The following DDX27 variants were observed in gnomAD, a reference collection of about 807,000 sequenced individuals.
DDX27 encodes probable ATP-dependent RNA helicase DDX27.
DDX27 carries 42 observed loss-of-function variants against 99.3 expected under a neutral mutation model. The observed-to-expected ratio is 0.42, with a 90% CI of 0.33 to 0.55. DDX27 has a LOEUF of 0.55. Among genes scored for constraint, DDX27 ranks in the 20% least tolerant of loss-of-function variants. The probability of loss-of-function intolerance (pLI) is 0.07; values close to 1 mark genes in which losing one functional copy is unlikely to be tolerated. For synonymous variants in DDX27, 329 were observed against 353.8 expected, an observed-to-expected ratio of 0.93 and a Z score of 0.79; for missense variants, 798 against 976.8, an observed-to-expected ratio of 0.82 and a Z score of 2.44.
At chr20:49,223,130 C>T in intron 3 of DDX27, 114 bp downstream of exon 3, 1 of 1,356,622 alleles carries the variant, frequency 7.4e-7, no homozygotes, top group South Asian at 1.3e-5. Context: ...GGCAGGCGCA[C>T]TCTTCTGTGT....
chr20:49,243,622 C>G lies in DDX27; in HGVS notation c.2205-7C>G. The stretch of plus-strand genomic sequence containing the variant: ...TGCTCATTTCAGCATGTCATCTTCT[C>G]TCACAGCCCTTCCTTTGAAGAAAGG... On this transcript the variant is annotated splice_region_variant and splice_polypyrimidine_tract_variant and intron_variant, in intron 19 of 20. Transcript: ENST00000618172. The G allele has an allele frequency of 4.3e-6, 7 of 1,614,090 alleles. No individual in the cohort carries two copies. The highest frequency in any genetic ancestry group is 5.9e-6 in the Non-Finnish European group (7 of 1,179,944).
chr20:49,243,844 C>T lies in DDX27; in HGVS notation c.*10C>T, dbSNP rs1406356256. On this transcript the variant is annotated 3_prime_UTR_variant, in exon 21 of 21. Transcript: ENST00000618172. The stretch of plus-strand genomic sequence containing the variant: ...CAAGAGGAGGAAGTAGCTGTCGTGG[C>T]CTGAAGAAATTCATGGGGGCAGCCC... 5.0e-6 allele frequency: 8 copies of T among 1,613,930 alleles called. No individual in the cohort carries two copies. Among genetic ancestry groups the T allele is most frequent in the East Asian group, 2.2e-5 (1 of 44,884 alleles).
chr20:49,235,424 G>T, intron 12 of DDX27: 1 of 218,518 alleles, frequency 4.6e-6, no homozygotes, highest in Non-Finnish European at 9.0e-6. Flanking sequence ...GGGTCTGATT[G>T]AACAAGATTT....
intron 10 of DDX27, 61 bp downstream of exon 10, chr20:49,233,466 G>A (rs1980195142): frequency 6.2e-7 from 1 of 1,603,140 alleles, no homozygotes; most frequent in African/African-American, 1.3e-5. Flanking sequence ...CCATGCAGAG[G>A]ACCCTGGCTG....
intron 4 of DDX27, 113 bp downstream of exon 4, chr20:49,223,546 G>A: frequency 3.0e-6 from 3 of 1,016,716 alleles, no homozygotes; most frequent in Non-Finnish European, 4.2e-6. Flanking sequence ...AAGCTGTTCT[G>A]CCTACTACAT....
intron 14 of DDX27, chr20:49,238,467 ATT>A (rs11313004): frequency 7.8e-3 from 1,123 of 144,262 alleles, no homozygotes; most frequent in Middle Eastern, 0.014. Context: ...ATGATGGCTA[ATT>A]TTTTTTTTTT....
At position 49,239,285 on chromosome 20, in the gene DDX27, A is replaced by G. The variant is rs918919439; in HGVS notation, c.1844A>G (p.Gln615Arg). Residue 615 changes from glutamine (Q) to arginine (R), a missense_variant, in exon 16 of 21, where the codon CAA becomes CGA. Around this residue, in one of 2 missense-constraint regions of DDX27, gnomAD observed 553 missense variants for 727.9 expected, o/e 0.76. Coordinates refer to ENST00000618172, the MANE Select transcript of DDX27 (RefSeq NM_017895.8). Reference protein sequence around the residue: ...LLEKGKEAVVQEPERSWFQTK... With the variant: ...LLEKGKEAVVREPERSWFQTK... The stretch of plus-strand genomic sequence containing the variant: ...GAGAAGGGGAAGGAGGCAGTGGTCC[A>G]AGAGCCCGAGAGGAGCTGGTTCCAG... The G allele has an allele frequency of 8.7e-6, 14 of 1,614,140 alleles. No homozygotes were observed. The highest frequency in any genetic ancestry group is 1.2e-5 in the Non-Finnish European group (14 of 1,180,014).
chr20:49,238,873 G>C (rs1176499149), intron 14 of DDX27, 76 bp from the exon 15 acceptor site: 1 of 1,049,598 alleles, frequency 9.5e-7, no homozygotes, highest in East Asian at 2.6e-5. Flanking sequence ...ATCTCCCAGA[G>C]TGCCGGGTTA....
chr20:49,225,263 G>T (rs1168852469), intron 6 of DDX27, 64 bp downstream of exon 6: 1 of 1,337,256 alleles, frequency 7.5e-7, no homozygotes, highest in East Asian at 2.3e-5. Context: ...GTCCAAGATG[G>T]TCTCAAATTC....
At chr20:49,241,775 T>C in intron 16 of DDX27, 118 bp from the exon 17 acceptor site, 1 of 1,153,268 alleles carries the variant, frequency 8.7e-7, no homozygotes, top group East Asian at 2.5e-5. Context: ...GGCCAAGAAG[T>C]GCTTGCCGCT....
chr20:49,241,968 A>G lies in DDX27; in HGVS notation c.1973A>G (p.Lys658Arg), dbSNP rs775344249. The G allele has an allele frequency of 1.1e-5, 17 of 1,613,334 alleles. No homozygotes were observed. The highest frequency in any genetic ancestry group is 1.4e-5 in the Non-Finnish European group (16 of 1,179,886). ...AGGAAGAAGTTTATGAAGGATGCCA[A>G]AAAAAAGGGGGAGATGACAGTGAGT... is the stretch of plus-strand genomic sequence containing the variant. ...KKRKKFMKDA[K>R]KKGEMTAEER... The change falls in exon 17 of 21, where the codon AAA becomes AGA. Residue 658 changes from lysine to arginine, a missense_variant. Lys to Arg is a conservative substitution (Grantham distance 26). Coordinates refer to ENST00000618172, the MANE Select transcript of DDX27 (RefSeq NM_017895.8).
intron 12 of DDX27, chr20:49,235,331 G>A: frequency 2.5e-6 from 1 of 393,998 alleles, no homozygotes; most frequent in South Asian, 8.7e-5. Context: ...GGGAGCTGTT[G>A]TGTGGCGTGA....
At chr20:49,226,071 C>T (rs569159345) in intron 6 of DDX27, among the ~76,000 whole-genome samples, 273 of 152,284 alleles carry the variant, frequency 1.8e-3, no homozygotes, top group Non-Finnish European at 2.7e-3. Flanking sequence ...AACTCAGTAT[C>T]CCTTGCTCAG....
rs1979990529 is a variant in DDX27 at position 49,228,735 on chromosome 20, C to A, written c.727C>A (p.Leu243Met). 2 of 1,608,180 alleles carry A rather than the reference C, an allele frequency of 1.2e-6. No individual in the cohort carries two copies. Among genetic ancestry groups the A allele is most frequent in the East Asian group, 4.5e-5 (2 of 44,414 alleles). The change falls in exon 8 of 21, where the codon CTG (leucine) becomes ATG (methionine). Residue 243 changes from leucine (L) to methionine (M), a missense_variant. Around this residue, in one of 2 missense-constraint regions of DDX27, gnomAD observed 553 missense variants for 727.9 expected, o/e 0.76. Transcript: ENST00000618172. ...TCCAGGTAAAACTGCCGCCTTTGCC[C>A]TGCCTGTTTTGGAGCGTCTGATTTA... is the stretch of plus-strand genomic sequence containing the variant. ...TGTGKTAAFA[L>M]PVLERLIYKP...
chr20:49,233,700 A>C lies in DDX27; in HGVS notation c.1264A>C (p.Ile422Leu), dbSNP rs943216645. The stretch of plus-strand genomic sequence containing the variant: ...TAATCGTGAAGGAGACCGGGAAGCC[A>C]TCGTGGCAGGTGGCAGCACAGGGCA... ...RPNREGDREA[I>L]VAALLTRTFT... The change falls in exon 11 of 21, where the codon ATC (isoleucine) becomes CTC (leucine). Residue 422 changes from isoleucine (I) to leucine (L), a missense_variant. This residue lies in a region of DDX27 where 553 missense variants were observed against 727.9 expected (regional missense o/e 0.76). Coordinates refer to ENST00000618172, the MANE Select transcript of DDX27 (RefSeq NM_017895.8). 2 of 1,613,432 alleles carry C rather than the reference A, an allele frequency of 1.2e-6. No homozygotes were observed. Among genetic ancestry groups the C allele is most frequent in the African/African-American group, 2.7e-5 (2 of 75,048 alleles).
rs550551785 is a variant in DDX27, at chr20:49,243,956, C to G, written c.*122C>G. 4.1e-6 allele frequency: 5 copies of G among 1,219,618 alleles called. No individual in the cohort carries two copies. The South Asian group carries it at 6.9e-5, about 17-fold the overall frequency. The allele number at this position is 1,219,618 out of a possible 1,614,324, so 75.5% of individuals were successfully genotyped here. On this transcript the variant is annotated 3_prime_UTR_variant, in exon 21 of 21. Transcript: ENST00000618172. ...AAAAAAACAAAAACAAAAAACAACACTTTGGTGTGGTGGTATGGTACGTAG... is the reference window on the plus strand; with the variant it reads ...AAAAAAACAAAAACAAAAAACAACAGTTTGGTGTGGTGGTATGGTACGTAG...
chr20:49,226,925 G>T (rs369813201), intron 7 of DDX27, among the ~76,000 whole-genome samples: 12 of 130,890 alleles, frequency 9.2e-5, no homozygotes, highest in Non-Finnish European at 1.7e-4. Flanking sequence ...TGCAGTGGCG[G>T]GATCTCGGCT....
intron 16 of DDX27, 150 bp downstream of exon 16, chr20:49,239,488 G>A (rs1980408138): frequency 1.6e-6 from 1 of 632,794 alleles, no homozygotes; most frequent in Admixed American, 2.9e-5. Context: ...TTCCACATTT[G>A]GGGTGTGGGG....
Position 49,235,082 on chromosome 20 carries a change from C to A in DDX27, c.1421C>A (p.Ala474Asp). 1 of 1,603,124 alleles carries A rather than the reference C, an allele frequency of 6.2e-7. No individual in the cohort carries two copies. Among genetic ancestry groups the A allele is most frequent in the South Asian group, 1.1e-5 (1 of 89,376 alleles). Residue 474 changes from alanine to aspartate, a missense_variant, in exon 12 of 21, where the codon GCC becomes GAC. By Grantham distance (126) the Ala-to-Asp change is moderately radical. Around this residue, in one of 2 missense-constraint regions of DDX27, gnomAD observed 553 missense variants for 727.9 expected, o/e 0.76. Coordinates refer to ENST00000618172, the MANE Select transcript of DDX27 (RefSeq NM_017895.8). ...GNLSQTQRLE[A>D]LRRFKDEQID... is the part of the protein sequence containing the mutation. Reference sequence around the variant, plus strand: ...TTGTCACAGACGCAGCGGCTGGAGGCCCTCCGGTAACATTTGGGGTGGGGA... The same window carrying A: ...TTGTCACAGACGCAGCGGCTGGAGGACCTCCGGTAACATTTGGGGTGGGGA...
Sources: gnomAD v4.1 joint callset for allele counts (sites outside exome capture counted in the v4.1 genomes callset) on GRCh38, gnomAD v4.1.1 for gene constraint, gnomAD v4.1.1 regional missense constraint, MANE v1.5 for transcripts, NCBI Gene and HGNC (gene_info 2026-07-23, HGNC 2026-07-21) for gene names.